ZFAT: variants seen among roughly 807,000 people sequenced by gnomAD.
ZFAT encodes the protein zinc finger protein ZFAT.
Under a neutral mutation model 117.7 loss-of-function variants are expected in ZFAT, and 64 were observed. That is an observed-to-expected ratio of 0.54 (90% CI 0.44 to 0.67). The LOEUF (loss-of-function observed/expected upper bound fraction) is 0.67, where lower values mean the gene tolerates loss of function less well. ZFAT is among the 30% of genes least tolerant of loss of function. ZFAT has a pLI of 0.00. For missense variants in ZFAT, 1,433 were observed against 1,584.5 expected (o/e 0.90, Z 1.62); for synonymous variants, 679 against 615.0 (o/e 1.10, Z -1.54).
the ZFAT span, among the ~76,000 whole-genome samples, chr8:134,719,400 G>C: frequency 6.6e-6 from 1 of 152,160 alleles, no homozygotes; most frequent in Non-Finnish European, 1.5e-5. Flanking sequence ...CCACGGGTGG[G>C]GGCGAATCAA....
chr8:134,667,588 T>C (rs1218498096), intron 1 of ZFAT, among the ~76,000 whole-genome samples: 1 of 148,002 alleles, frequency 6.8e-6, no homozygotes, highest in Non-Finnish European at 1.5e-5. Flanking sequence ...TACACATGTA[T>C]CCAAGAACTT....
At position 134,619,872 on chromosome 8, in the gene ZFAT, C is replaced by A. The variant is rs774144101; in HGVS notation, c.449-9217G>T. Among the ~76,000 whole-genome samples, 3 of 152,178 alleles carry A rather than the reference C, an allele frequency of 2.0e-5. No homozygotes were observed. In the East Asian group the frequency reaches 5.8e-4, roughly 29 times the overall value. Reference sequence around the variant, plus strand: ...AGGTGACTGAGCCTGGACACTGTCTCCATGAGTGGTACACCCAGCATCACA... The same window carrying A: ...AGGTGACTGAGCCTGGACACTGTCTACATGAGTGGTACACCCAGCATCACA... On this transcript the variant is annotated intron_variant, in intron 3 of 15. Coordinates refer to ENST00000377838, the MANE Select transcript of ZFAT (RefSeq NM_020863.4).
intron 10 of ZFAT, among the ~76,000 whole-genome samples, chr8:134,571,370 G>A (rs1199681223): frequency 1.3e-5 from 2 of 152,318 alleles, no homozygotes; most frequent in East Asian, 1.9e-4. Flanking sequence ...GCACTGGGAA[G>A]AAGGAACTCA....
At chr8:134,554,616 A>T (rs1372661) in intron 11 of ZFAT, among the ~76,000 whole-genome samples, 5 of 151,926 alleles carry the variant, frequency 3.3e-5, no homozygotes, top group African/African-American at 1.2e-4. Context: ...GTGCACTGCC[A>T]ACTCTCCAAA....
chr8:134,694,506 T>A (rs1230563425), intron 1 of ZFAT, among the ~76,000 whole-genome samples: 1 of 152,216 alleles, frequency 6.6e-6, no homozygotes, highest in Non-Finnish European at 1.5e-5. Context: ...TCTGTAAGTA[T>A]AAATTATGTC....
chr8:134,546,555 A>G (rs1170740724), intron 11 of ZFAT, among the ~76,000 whole-genome samples: 1 of 152,222 alleles, frequency 6.6e-6, no homozygotes, highest in African/African-American at 2.4e-5. Context: ...AAGCAATTTC[A>G]TCTAATCAGA....
the ZFAT span, among the ~76,000 whole-genome samples, chr8:134,757,326 T>G: frequency 6.6e-6 from 1 of 152,100 alleles, no homozygotes; most frequent in African/African-American, 2.4e-5. Context: ...CCTTCCTTCC[T>G]TCTTTAGAGG....
intron 15 of ZFAT, among the ~76,000 whole-genome samples, chr8:134,505,316 C>T (rs11992535): frequency 0.15 from 23,312 of 152,096 alleles, 2,828 homozygotes; most frequent in African/African-American, 0.33. Context: ...AGTCATTTCC[C>T]TTGTTAGACT....
the ZFAT span, among the ~76,000 whole-genome samples, chr8:134,744,511 G>A: frequency 1.3e-5 from 2 of 151,506 alleles, no homozygotes; most frequent in African/African-American, 2.4e-5. Flanking sequence ...GGCCAGGCTG[G>A]TCTCAAACTC....
At chr8:134,557,682 A>T (rs1437793970) in intron 11 of ZFAT, among the ~76,000 whole-genome samples, 1 of 152,242 alleles carries the variant, frequency 6.6e-6, no homozygotes, top group Non-Finnish European at 1.5e-5. Context: ...AAGACAGAAA[A>T]GAAGGAAAGA....
the ZFAT span, among the ~76,000 whole-genome samples, chr8:134,737,867 C>T: frequency 2.0e-5 from 3 of 152,272 alleles, no homozygotes; most frequent in East Asian, 5.8e-4. Context: ...TTCAATCCTG[C>T]TTAATTTATA....
At chr8:134,660,649 T>C (rs2131217411) in intron 1 of ZFAT, among the ~76,000 whole-genome samples, 1 of 152,374 alleles carries the variant, frequency 6.6e-6, no homozygotes, top group East Asian at 1.9e-4. Context: ...CTGAAATTAT[T>C]TCCCAATACC....
chr8:134,674,582 G>C (rs1832706023), intron 1 of ZFAT: 1 of 152,890 alleles, frequency 6.5e-6, no homozygotes, highest in Admixed American at 6.5e-5. Flanking sequence ...AAACATCCCT[G>C]CCTGACAGCT....
intron 3 of ZFAT, 47 bp from the exon 4 acceptor site, chr8:134,610,702 G>T (rs1419843881): frequency 1.9e-6 from 3 of 1,598,650 alleles, no homozygotes; most frequent in South Asian, 1.1e-5. Flanking sequence ...TTATATCAGT[G>T]GCAGAGTTGG....
At chr8:134,769,185 C>A in the ZFAT span, among the ~76,000 whole-genome samples, 1 of 151,974 alleles carries the variant, frequency 6.6e-6, no homozygotes, top group Admixed American at 6.6e-5. Flanking sequence ...GCACCTCCAC[C>A]CCCCAAAAAA....
At chr8:134,648,124 T>C (rs1831005757) in intron 2 of ZFAT, among the ~76,000 whole-genome samples, 1 of 152,052 alleles carries the variant, frequency 6.6e-6, no homozygotes, top group Non-Finnish European at 1.5e-5. Flanking sequence ...ACAATATATA[T>C]GTATAACAAA....
At chr8:134,649,388 T>C (rs1831100755) in intron 2 of ZFAT, among the ~76,000 whole-genome samples, 1 of 152,116 alleles carries the variant, frequency 6.6e-6, no homozygotes, top group Non-Finnish European at 1.5e-5. Context: ...TAGTCACAGA[T>C]GACAAGATTA....
At chr8:134,782,112 G>A in the ZFAT span, among the ~76,000 whole-genome samples, 56 of 152,278 alleles carry the variant, frequency 3.7e-4, no homozygotes, top group Non-Finnish European at 7.2e-4. Flanking sequence ...AACCAGGGGT[G>A]GATTTAATGT....
the ZFAT span, chr8:134,795,168 G>A: frequency 6.6e-6 from 1 of 152,170 alleles, no homozygotes; most frequent in Non-Finnish European, 1.5e-5. Flanking sequence ...CTCTGAAATT[G>A]TAAGAATGTC....
Sources: gnomAD v4.1 joint callset for allele counts (sites outside exome capture counted in the v4.1 genomes callset) on GRCh38, gnomAD v4.1.1 for gene constraint, MANE v1.5 for transcripts, NCBI Gene and HGNC (gene_info 2026-07-23, HGNC 2026-07-21) for gene names.